SPAG1: variants seen among roughly 807,000 people sequenced by gnomAD.
The protein encoded by SPAG1 is sperm-associated antigen 1.
A neutral mutation model predicts 100.5 loss-of-function variants in SPAG1; 69 were observed. That is an observed-to-expected ratio of 0.69 (90% CI 0.57 to 0.84). The LOEUF (loss-of-function observed/expected upper bound fraction) is 0.84, where lower values mean the gene tolerates loss of function less well. Among genes scored for constraint, SPAG1 ranks in the 40% least tolerant of loss-of-function variants. The pLI is 0.00. For synonymous variants in SPAG1, 336 were observed against 411.6 expected (o/e 0.82, Z 2.22); for missense variants, 955 against 1,133.1 (o/e 0.84, Z 2.26).
At chr8:100,212,783 G>C (rs1346041150) in intron 10 of SPAG1, among the ~76,000 whole-genome samples, 1 of 152,222 alleles carries the variant, frequency 6.6e-6, no homozygotes, top group Non-Finnish European at 1.5e-5. Flanking sequence ...TTGATGAAGG[G>C]GATGGCTCTG....
At chr8:100,206,584 C>T (rs1163687356) in intron 10 of SPAG1, among the ~76,000 whole-genome samples, 1 of 152,152 alleles carries the variant, frequency 6.6e-6, no homozygotes, top group Admixed American at 6.5e-5. Context: ...GACCTTCTAC[C>T]TCAGTAAAAT....
intron 10 of SPAG1, among the ~76,000 whole-genome samples, chr8:100,200,760 T>G (rs1817242351): frequency 6.6e-6 from 1 of 151,934 alleles, no homozygotes; most frequent in African/African-American, 2.4e-5. Context: ...GAAAAGTGTC[T>G]GTTCATATCC....
intron 8 of SPAG1, among the ~76,000 whole-genome samples, chr8:100,189,656 A>G (rs1264199550): frequency 2.0e-5 from 3 of 152,124 alleles, no homozygotes; most frequent in African/African-American, 7.2e-5. Flanking sequence ...CTCTGTTTCA[A>G]AAAAAATAAA....
At chr8:100,168,687 CTT>C (rs747506730) in intron 3 of SPAG1, among the ~76,000 whole-genome samples, 3 of 95,674 alleles carry the variant, frequency 3.1e-5, no homozygotes, top group Admixed American at 1.3e-4. Context: ...GCCCAGCCAT[CTT>C]TTTTTTTTTG....
intron 10 of SPAG1, among the ~76,000 whole-genome samples, chr8:100,200,647 T>G (rs1272627506): frequency 6.6e-6 from 1 of 152,230 alleles, no homozygotes. Context: ...TTCTAACTGG[T>G]GTGAGATGGT....
In SPAG1 at chr8:100,184,055, T is replaced by C. The variant is rs758702898; in HGVS notation, c.588T>C (p.Asp196=). The part of the protein sequence containing the change: ...SHLSKIETRI[D]TAGLTEKEKD... ...TGTCTAAAATTGAGACAAGAATAGA[T>C]ACAGCAGGTAATTGGAGAAAAAATA... is the stretch of plus-strand genomic sequence containing the variant. The change falls in exon 6 of 19, where the codon GAT becomes GAC. Residue 196 remains aspartate, a synonymous_variant. Coordinates refer to ENST00000388798, the MANE Select transcript of SPAG1 (RefSeq NM_003114.5). 3 of 1,381,466 alleles carry C rather than the reference T, an allele frequency of 2.2e-6. No homozygotes were observed. The highest frequency in any genetic ancestry group is 3.0e-6 in the Non-Finnish European group (3 of 1,012,634). The allele number at this position is 1,381,466 out of a possible 1,614,324, so 85.6% of individuals were successfully genotyped here.
chr8:100,229,195 C>T (rs2132415752), intron 14 of SPAG1, among the ~76,000 whole-genome samples: 1 of 152,090 alleles, frequency 6.6e-6, no homozygotes, highest in East Asian at 1.9e-4. Context: ...TTGGGATCCT[C>T]GAGGATCACG....
chr8:100,233,388 T>C, intron 15 of SPAG1, 23 bp from the exon 16 acceptor site: 1 of 1,612,246 alleles, frequency 6.2e-7, no homozygotes, highest in Non-Finnish European at 8.5e-7. Context: ...TTCATAATAC[T>C]GAGTTCCATT....
intron 15 of SPAG1, among the ~76,000 whole-genome samples, chr8:100,232,702 A>T (rs1278278082): frequency 1.3e-5 from 2 of 152,140 alleles, no homozygotes; most frequent in African/African-American, 4.8e-5. Flanking sequence ...TCATTCTCCA[A>T]GCTGTAGCCA....
intron 10 of SPAG1, among the ~76,000 whole-genome samples, chr8:100,210,453 C>T (rs1279268903): frequency 1.3e-5 from 2 of 152,132 alleles, no homozygotes; most frequent in African/African-American, 2.4e-5. Context: ...TCACACTACC[C>T]TACTTGAGGC....
chr8:100,177,168 G>T (rs897169842), intron 3 of SPAG1, among the ~76,000 whole-genome samples: 6 of 151,976 alleles, frequency 3.9e-5, no homozygotes, highest in African/African-American at 1.5e-4. Flanking sequence ...GTTATTTAAG[G>T]TTTACAGTAT....
chr8:100,187,034 G>A, intron 7 of SPAG1, 86 bp from the exon 8 acceptor site: 1 of 1,355,502 alleles, frequency 7.4e-7, no homozygotes, highest in Non-Finnish European at 1.0e-6. Context: ...GGTTATAATT[G>A]TTTTATGTAT....
chr8:100,192,058 G>A (rs1816839905), intron 9 of SPAG1, among the ~76,000 whole-genome samples: 1 of 152,176 alleles, frequency 6.6e-6, no homozygotes, highest in Admixed American at 6.5e-5. Flanking sequence ...AAGCAGATGA[G>A]CTTCACGTTC....
intron 16 of SPAG1, among the ~76,000 whole-genome samples, chr8:100,236,028 T>A (rs1236053878): frequency 6.6e-6 from 1 of 152,206 alleles, no homozygotes; most frequent in Non-Finnish European, 1.5e-5. Flanking sequence ...CACATTTACC[T>A]CTTACTGGCT....
At position 100,240,931 on chromosome 8, in the gene SPAG1, T is replaced by C. The variant is rs911589706; in HGVS notation, c.2690T>C (p.Ile897Thr). The C allele has an allele frequency of 8.1e-6, 13 of 1,612,400 alleles. No individual in the cohort carries two copies. The highest frequency in any genetic ancestry group is 3.3e-5 in the Admixed American group (2 of 59,834). Reference protein sequence around the residue: ...TLISKGQKELIEQLFEDLSDT... With the variant: ...TLISKGQKELTEQLFEDLSDT... Reference sequence around the variant, plus strand: ...ATTAGCAAGGGCCAAAAGGAGCTAATTGAACAGCTGTTTGAGGACCTTTCG... The same window carrying C: ...ATTAGCAAGGGCCAAAAGGAGCTAACTGAACAGCTGTTTGAGGACCTTTCG... The change falls in exon 19 of 19, where the codon ATT becomes ACT. Residue 897 changes from isoleucine (I) to threonine (T), a missense_variant. Transcript: ENST00000388798.
At chr8:100,163,165 C>A (rs541966257) in intron 2 of SPAG1, among the ~76,000 whole-genome samples, 3 of 152,120 alleles carry the variant, frequency 2.0e-5, no homozygotes, top group African/African-American at 7.2e-5. Context: ...GGATAGAGCT[C>A]CATTCTAGTG....
chr8:100,202,448 T>G (rs28770534), intron 10 of SPAG1, among the ~76,000 whole-genome samples: 8,300 of 151,576 alleles, frequency 0.055, 699 homozygotes, highest in African/African-American at 0.19. Flanking sequence ...CGGTGGCTCA[T>G]GCCTGTAATC....
chr8:100,212,387 C>G (rs1461816599), intron 10 of SPAG1, among the ~76,000 whole-genome samples: 3 of 152,108 alleles, frequency 2.0e-5, no homozygotes, highest in African/African-American at 4.8e-5. Context: ...TTAAATATTG[C>G]TAAGACACCA....
At chr8:100,238,968 T>C (rs189554879) in intron 16 of SPAG1, among the ~76,000 whole-genome samples, 1 of 152,358 alleles carries the variant, frequency 6.6e-6, no homozygotes, top group East Asian at 1.9e-4. Context: ...TATCATGTGT[T>C]AGGGACTGGG....
Sources: allele counts gnomAD v4.1 joint callset (sites outside exome capture counted in the v4.1 genomes callset), GRCh38; gene constraint gnomAD v4.1.1; transcripts MANE v1.5; gene names NCBI Gene and HGNC (gene_info 2026-07-23, HGNC 2026-07-21).